The following AGAP1 variants were observed in gnomAD, a reference collection of about 807,000 sequenced individuals.
AGAP1 encodes the protein arf-GAP with GTPase, ANK repeat and PH domain-containing protein 1.
Under a neutral mutation model 105.3 loss-of-function variants are expected in AGAP1, and 29 were observed. The ratio of observed to expected loss-of-function variants is 0.28; its 90% CI spans 0.21 to 0.38. AGAP1 has a LOEUF of 0.38. AGAP1 is among the 10% of genes least tolerant of loss of function. The pLI, the probability that AGAP1 is intolerant of heterozygous loss-of-function variation, is 1.00. For missense variants in AGAP1, 998 were observed against 1,165.1 expected (o/e 0.86, Z 2.09); for synonymous variants, 509 against 485.9 (o/e 1.05, Z -0.63).
At position 235,615,024 on chromosome 2, in the gene AGAP1, C is replaced by T. The variant is rs1305221542; in HGVS notation, c.164-94155C>T. The stretch of plus-strand genomic sequence containing the variant: ...AGGCTGTTCAAGGTGAGTGGTTTTC[C>T]TGGCGGTGTGGTTTTTTAAAATTTC... On this transcript the variant is annotated intron_variant, in intron 1 of 17. Coordinates refer to ENST00000304032, the MANE Select transcript of AGAP1 (RefSeq NM_001037131.3). The surrounding 1 kb of genome is among the most constrained non-coding windows in gnomAD (Gnocchi z 5.0). 1.8e-4 allele frequency among the ~76,000 whole-genome samples: 27 copies of T among 152,216 alleles called. No homozygotes were observed. The highest frequency in any genetic ancestry group is 1.7e-3 in the Admixed American group (26 of 15,274).
intron 1 of AGAP1, among the ~76,000 whole-genome samples, chr2:235,594,641 C>T (rs1044195047): frequency 1.3e-5 from 2 of 152,060 alleles, no homozygotes; most frequent in Non-Finnish European, 2.9e-5. Flanking sequence ...GTGATGTGAT[C>T]TCGGCTCGCT....
In AGAP1 at chr2:235,904,864, G is replaced by A. The variant is rs1335360091; in HGVS notation, c.1156-3874G>A. On this transcript the variant is annotated intron_variant, in intron 10 of 17. Transcript: ENST00000304032. The surrounding 1 kb of genome is among the most constrained non-coding windows in gnomAD (Gnocchi z 4.2). ...TTTATCTCCCACCTGTGTGTGAAGCGCTGAGTCGGAGGGCTTTTATTGAGT... is the reference window on the plus strand; with the variant it reads ...TTTATCTCCCACCTGTGTGTGAAGCACTGAGTCGGAGGGCTTTTATTGAGT... Among the ~76,000 whole-genome samples the A allele has an allele frequency of 6.6e-6, 1 of 152,184 alleles. No individual in the cohort carries two copies. The highest frequency in any genetic ancestry group is 6.5e-5 in the Admixed American group (1 of 15,272).
rs1000434803 is a variant in AGAP1, at chr2:236,000,741, G to A, written c.1645+32118G>A. 6.6e-6 allele frequency among the ~76,000 whole-genome samples: 1 copy of A among 152,194 alleles called. No individual in the cohort carries two copies. The highest frequency in any genetic ancestry group is 6.5e-5 in the Admixed American group (1 of 15,290). Reference sequence around the variant, plus strand: ...TCAGCCCCGATGGTGTGGCGGGGCAGGTACTAGAGATTGTGTTTGCAGTGA... The same window carrying A: ...TCAGCCCCGATGGTGTGGCGGGGCAAGTACTAGAGATTGTGTTTGCAGTGA... On this transcript the variant is annotated intron_variant, in intron 13 of 17. Coordinates refer to ENST00000304032, the MANE Select transcript of AGAP1 (RefSeq NM_001037131.3). The surrounding 1 kb of genome is among the most constrained non-coding windows in gnomAD (Gnocchi z 4.3).
At chr2:235,527,059 A>C (rs1942867355) in intron 1 of AGAP1, among the ~76,000 whole-genome samples, 1 of 152,236 alleles carries the variant, frequency 6.6e-6, no homozygotes, top group African/African-American at 2.4e-5. Context: ...AAAGTGAAAC[A>C]GTAGTTGCTG....
chr2:235,552,125 G>A lies in AGAP1; in HGVS notation c.163+57276G>A, dbSNP rs1418122639. On this transcript the variant is annotated intron_variant, in intron 1 of 17. Transcript: ENST00000304032. The surrounding 1 kb of genome is among the most constrained non-coding windows in gnomAD (Gnocchi z 5.9). ...ACTGGCCGCGGTACTGCCACCCGCT[G>A]GAAGGGGCCTGCAGGGAAGTGTTTG... Among the ~76,000 whole-genome samples the A allele has an allele frequency of 6.6e-6, 1 of 152,160 alleles. No individual in the cohort carries two copies. The highest frequency in any genetic ancestry group is 1.9e-4 in the East Asian group (1 of 5,188).
chr2:235,968,594 A>T lies in AGAP1; in HGVS notation c.1616A>T (p.Lys539Ile). The change falls in exon 13 of 18, where the codon AAA becomes ATA. Residue 539 changes from lysine to isoleucine, a missense_variant. By Grantham distance (102) the Lys-to-Ile change is moderately radical. Around this residue, in one of 3 missense-constraint regions of AGAP1, gnomAD observed 735 missense variants for 833.4 expected, o/e 0.88. Transcript: ENST00000304032. The part of the protein sequence containing the change: ...HRRKKSTSNF[K>I]ADGLSGTAEE... ...AGGAAGAAAAGCACTAGCAACTTCA[A>T]AGCCGACGGCCTGTCCGGCACTGCT... 6.6e-7 allele frequency: 1 copy of T among 1,520,064 alleles called. No homozygotes were observed. 94.2% of individuals were successfully genotyped at this position (1,520,064 alleles called of 1,614,324 possible). A position where few individuals can be genotyped will look rare whatever the true frequency, so the allele number is the denominator to read the frequency against.
At chr2:235,873,383 G>A (rs889469787) in intron 9 of AGAP1, among the ~76,000 whole-genome samples, 4 of 152,204 alleles carry the variant, frequency 2.6e-5, no homozygotes, top group African/African-American at 7.2e-5. Flanking sequence ...CCCAGCCAAC[G>A]TCTTCACTCA....
At chr2:236,057,899 G>T (rs762810933) in intron 16 of AGAP1, among the ~76,000 whole-genome samples, 1 of 152,142 alleles carries the variant, frequency 6.6e-6, no homozygotes, top group African/African-American at 2.4e-5. Context: ...TCAGCTTTGA[G>T]GCCTGGGTCA....
chr2:235,962,308 G>T lies in AGAP1; in HGVS notation c.1484-6154G>T, dbSNP rs550457233. On this transcript the variant is annotated intron_variant, in intron 12 of 17. Coordinates refer to ENST00000304032, the MANE Select transcript of AGAP1 (RefSeq NM_001037131.3). This position sits in a 1 kb window ranked among gnomAD's most constrained non-coding sequence, Gnocchi z 5.3. The stretch of plus-strand genomic sequence containing the variant: ...CCTCTCCCAGCCCTGGCCCATGACG[G>T]TGCTGAGCAGGTGGAGGGCTGGAAG... 6.6e-6 allele frequency among the ~76,000 whole-genome samples: 1 copy of T among 152,262 alleles called. No homozygotes were observed. Among genetic ancestry groups the T allele is most frequent in the South Asian group, 2.1e-4 (1 of 4,826 alleles).
Position 235,942,776 on chromosome 2 carries a change from G to A in AGAP1, c.1483+11853G>A, listed in dbSNP as rs185335216. ...TAATTTTTTAGTCCCCATGTTTGCA[G>A]CTGCAAATTTTCAATTTCAGGGGGA... On this transcript the variant is annotated intron_variant, in intron 12 of 17. Transcript: ENST00000304032. 4.7e-3 allele frequency among the ~76,000 whole-genome samples: 721 copies of A among 152,210 alleles called. 3 individuals are homozygous for A. The highest frequency in any genetic ancestry group is 0.024 in the Middle Eastern group (7 of 294).
chr2:235,676,480 C>T (rs78590006), intron 1 of AGAP1, among the ~76,000 whole-genome samples: 1 of 152,150 alleles, frequency 6.6e-6, no homozygotes, highest in Non-Finnish European at 1.5e-5. Context: ...GAAGGCCTCA[C>T]AGAGGGGCAA....
intron 6 of AGAP1, among the ~76,000 whole-genome samples, chr2:235,794,771 C>T (rs1043607217): frequency 5.9e-5 from 9 of 152,122 alleles, no homozygotes; most frequent in African/African-American, 2.2e-4. Flanking sequence ...CGCGCCCAGC[C>T]GCTTCCAGAT....
chr2:235,889,546 CT>C lies in AGAP1; in HGVS notation c.1155+6113del, dbSNP rs5839611. Among the ~76,000 whole-genome samples the C allele has an allele frequency of 0.01, 1,452 of 140,902 alleles. 11 individuals carry two copies. The highest frequency in any genetic ancestry group is 0.024 in the African/African-American group (928 of 38,078). The allele number at this position is 140,902 out of a possible 152,430, so 92.4% of individuals were successfully genotyped here. A position where few individuals can be genotyped will look rare whatever the true frequency, so the allele number is the denominator to read the frequency against. On this transcript the variant is annotated intron_variant, in intron 10 of 17. Transcript: ENST00000304032. The surrounding 1 kb of genome is among the most constrained non-coding windows in gnomAD (Gnocchi z 4.6). The stretch of plus-strand genomic sequence containing the variant: ...CGTCATCCCCCAAAAGTGTCTTTGC[CT>C]TTTTTTTTTTTTTTTAGCCCTGAGC...
At chr2:235,501,786 C>T (rs543501949) in intron 1 of AGAP1, among the ~76,000 whole-genome samples, 46 of 152,284 alleles carry the variant, frequency 3.0e-4, no homozygotes, top group African/African-American at 1.1e-3. Flanking sequence ...TCCCCGCCCC[C>T]ATCCCAATCC....
intron 1 of AGAP1, among the ~76,000 whole-genome samples, chr2:235,617,014 C>T (rs1946329059): frequency 1.3e-5 from 2 of 151,174 alleles, no homozygotes; most frequent in African/African-American, 2.4e-5. Context: ...CACATCAGCT[C>T]TCTAGGGATT....
intron 1 of AGAP1, among the ~76,000 whole-genome samples, chr2:235,521,804 A>G (rs1258736719): frequency 6.6e-6 from 1 of 151,436 alleles, no homozygotes; most frequent in Non-Finnish European, 1.5e-5. Context: ...ATAGTGCTGT[A>G]TAGTCTACGT....
chr2:235,735,809 T>C (rs1392556343), intron 3 of AGAP1, among the ~76,000 whole-genome samples: 1 of 152,144 alleles, frequency 6.6e-6, no homozygotes, highest in East Asian at 1.9e-4. Context: ...CTGGGAACCC[T>C]GAACACTTGC....
At chr2:235,778,432 C>T (rs1420617263) in intron 6 of AGAP1, among the ~76,000 whole-genome samples, 1 of 152,180 alleles carries the variant, frequency 6.6e-6, no homozygotes, top group East Asian at 1.9e-4. Context: ...TCCTGAGAGC[C>T]AGAAGGTTCT....
At chr2:235,525,338 C>CATAATGTGGAGGACTGATTT (rs1942789138) in intron 1 of AGAP1, among the ~76,000 whole-genome samples, 1 of 106,922 alleles carries the variant, frequency 9.4e-6, no homozygotes, top group Admixed American at 8.8e-5. Flanking sequence ...AGGACTAATA[C>CATAATGTGGAGGACTGATTT]ATAATGTGGA....
Sources: allele counts gnomAD v4.1 joint callset (sites outside exome capture counted in the v4.1 genomes callset), GRCh38; gene constraint gnomAD v4.1.1; regional missense constraint gnomAD v4.1.1; non-coding constraint Gnocchi (gnomAD v3.1); transcripts MANE v1.5; gene names NCBI Gene and HGNC (gene_info 2026-07-23, HGNC 2026-07-21).